Variants in PCDHA1 observed in about 807,000 individuals in gnomAD.
PCDHA1 encodes the protein protocadherin alpha 1.
Under a neutral mutation model 61.3 loss-of-function variants are expected in PCDHA1, and 42 were observed. The observed-to-expected ratio is 0.69, with a 90% CI of 0.54 to 0.89. The LOEUF is 0.89. Ranked by LOEUF, PCDHA1 falls within the 40% of genes least tolerant of loss-of-function variation. The pLI, the probability that PCDHA1 is intolerant of heterozygous loss-of-function variation, is 0.00. For synonymous variants in PCDHA1, 610 were observed against 553.8 expected (o/e 1.10, Z -1.43); for missense variants, 1,256 against 1,235.3 (o/e 1.02, Z -0.25).
intron 1 of PCDHA1, chr5:140,883,291 A>G: frequency 6.2e-7 from 1 of 1,614,118 alleles, no homozygotes; most frequent in Non-Finnish European, 8.5e-7. Flanking sequence ...TGGAAGTACT[A>G]GATGTAAATG....
chr5:140,835,763 T>C (rs2150244307), intron 1 of PCDHA1: 12 of 1,613,224 alleles, frequency 7.4e-6, no homozygotes, highest in South Asian at 5.5e-5. Flanking sequence ...AGCCCGAGTA[T>C]ACGGTGTTCG....
intron 1 of PCDHA1, chr5:140,848,306 T>C (rs1781428970): frequency 1.4e-6 from 1 of 705,366 alleles, no homozygotes; most frequent in South Asian, 2.0e-5. Context: ...GTGATGTCAC[T>C]CTTTGCCGCG....
intron 3 of PCDHA1, among the ~76,000 whole-genome samples, chr5:140,988,304 C>T (rs1554250029): frequency 6.6e-6 from 1 of 152,308 alleles, no homozygotes; most frequent in African/African-American, 2.4e-5. Flanking sequence ...GGAGTGCCAG[C>T]TTGGCTTGGC....
chr5:140,798,725 T>G (rs1762354739), intron 1 of PCDHA1, among the ~76,000 whole-genome samples: 1 of 152,234 alleles, frequency 6.6e-6, no homozygotes, highest in African/African-American at 2.4e-5. Context: ...ATGACTACAT[T>G]TTCACTTGAA....
intron 1 of PCDHA1, among the ~76,000 whole-genome samples, chr5:140,839,899 GAAGT>G (rs1776458768): frequency 6.6e-6 from 1 of 152,000 alleles, no homozygotes; most frequent in African/African-American, 2.4e-5. Flanking sequence ...AGAAAAAGAT[GAAGT>G]AATAGAAGAA....
At chr5:140,794,303 C>A (rs528548053) in intron 1 of PCDHA1, among the ~76,000 whole-genome samples, 1 of 152,268 alleles carries the variant, frequency 6.6e-6, no homozygotes, top group East Asian at 1.9e-4. Flanking sequence ...TAGTATTCAG[C>A]CTTAAAAAGG....
intron 1 of PCDHA1, among the ~76,000 whole-genome samples, chr5:140,957,828 G>A (rs554121251): frequency 6.0e-5 from 9 of 150,668 alleles, no homozygotes; most frequent in Non-Finnish European, 1.2e-4. Context: ...AAGAGAAAGT[G>A]TTAATTGATT....
In PCDHA1 at chr5:140,788,007, A is replaced by C. The variant is rs782387840; in HGVS notation, c.1717A>C (p.Thr573Pro). 6.2e-6 allele frequency: 10 copies of C among 1,613,974 alleles called. No individual in the cohort carries two copies. Among genetic ancestry groups the C allele is most frequent in the Non-Finnish European group, 7.6e-6 (9 of 1,179,888 alleles). ...GCTGCTGGCGCCTCGAGTGGGTGGC[A>C]CTATTGGTGCAGTCAGTGAGCTGGT... Reference protein sequence around the residue: ...PALLAPRVGGTIGAVSELVPR... With the variant: ...PALLAPRVGGPIGAVSELVPR... The change falls in exon 1 of 4, where the codon ACT (threonine) becomes CCT (proline). Residue 573 changes from threonine (T) to proline (P), a missense_variant. Transcript: ENST00000504120.
At chr5:140,966,821 C>T (rs1554228738) in intron 1 of PCDHA1, 1 of 1,557,928 alleles carries the variant, frequency 6.4e-7, no homozygotes, top group Admixed American at 1.9e-5. Flanking sequence ...GCTCCGGCGG[C>T]CCATGCCCTG....
chr5:140,869,175 G>A, intron 1 of PCDHA1: 1 of 1,613,976 alleles, frequency 6.2e-7, no homozygotes, highest in East Asian at 2.2e-5. Context: ...TCGAATTCTG[G>A]GAGGTGGGGA....
At chr5:140,995,235 A>G (rs1313042272) in intron 3 of PCDHA1, among the ~76,000 whole-genome samples, 1 of 152,188 alleles carries the variant, frequency 6.6e-6, no homozygotes, top group Non-Finnish European at 1.5e-5. Flanking sequence ...TGGGGCCAGT[A>G]TTAAGTAAAA....
chr5:140,969,473 A>G (rs562575347), intron 1 of PCDHA1: 1 of 1,478,090 alleles, frequency 6.8e-7, no homozygotes, highest in Non-Finnish European at 9.0e-7. Flanking sequence ...CCACAATTTG[A>G]TCATAATCTG....
At chr5:140,898,956 T>G (rs1352076218) in intron 1 of PCDHA1, among the ~76,000 whole-genome samples, 1 of 152,130 alleles carries the variant, frequency 6.6e-6, no homozygotes, top group African/African-American at 2.4e-5. Flanking sequence ...GAAGCAGTTG[T>G]GAATGGGAGT....
intron 1 of PCDHA1, chr5:140,809,624 ACTT>A (rs781811577): frequency 6.6e-7 from 1 of 1,507,658 alleles, no homozygotes; most frequent in Non-Finnish European, 8.9e-7. Flanking sequence ...TTCTCTATCA[ACTT>A]CTTCGTAAAT....
Position 140,883,090 on chromosome 5 carries a change from T to C in PCDHA1, c.2394+94406T>C, listed in dbSNP as rs550322124. On this transcript the variant is annotated intron_variant, in intron 1 of 3. Transcript: ENST00000504120. ...CCACAGATCCTGATGATGGTACAAA[T>C]GGAGATATAGTTTACTCATTTAGAA... The C allele has an allele frequency of 1.4e-4, 226 of 1,614,138 alleles. 1 individual carries two copies. In the South Asian group the frequency reaches 2.4e-3, roughly 17 times the overall value.
intron 2 of PCDHA1, among the ~76,000 whole-genome samples, chr5:140,979,612 G>A (rs1223690856): frequency 6.6e-6 from 1 of 152,042 alleles, no homozygotes; most frequent in Admixed American, 6.6e-5. Flanking sequence ...CTAGAGTAAC[G>A]GTATTAGTCT....
intron 1 of PCDHA1, among the ~76,000 whole-genome samples, chr5:140,949,796 C>G (rs1471707326): frequency 6.6e-6 from 1 of 151,864 alleles, no homozygotes; most frequent in Non-Finnish European, 1.5e-5. Context: ...TTGTGTCCTT[C>G]AATACATTAT....
intron 1 of PCDHA1, chr5:140,824,610 G>GTTGTTTT (rs1768193318): frequency 1.1e-5 from 1 of 95,104 alleles, no homozygotes; most frequent in African/African-American, 4.9e-5. Flanking sequence ...GCTAATTAAA[G>GTTGTTTT]TTTTTTTTTT....
intron 1 of PCDHA1, chr5:140,966,789 C>G (rs782194817): frequency 6.5e-7 from 1 of 1,528,572 alleles, no homozygotes; most frequent in East Asian, 2.4e-5. Context: ...GGCACCAGAC[C>G]TGCGGCGACA....
Sources: allele counts gnomAD v4.1 joint callset (sites outside exome capture counted in the v4.1 genomes callset), GRCh38; gene constraint gnomAD v4.1.1; transcripts MANE v1.5; gene names NCBI Gene and HGNC (gene_info 2026-07-23, HGNC 2026-07-21).